Variants in CCDC191 observed in about 807,000 individuals in gnomAD.
The protein encoded by CCDC191 is coiled-coil domain containing 191, also known as coiled-coil domain-containing protein 191.
CCDC191 carries 99 observed loss-of-function variants against 114.0 expected under a neutral mutation model. The ratio of observed to expected loss-of-function variants is 0.87; its 90% CI spans 0.74 to 1.03. The LOEUF (loss-of-function observed/expected upper bound fraction) is 1.03. Ranked by LOEUF, CCDC191 falls within the 50% of genes least tolerant of loss-of-function variation. The probability of loss-of-function intolerance (pLI) is 0.00; values close to 1 mark genes in which losing one functional copy is unlikely to be tolerated. For synonymous variants in CCDC191, 351 were observed against 376.0 expected (o/e 0.93, Z 0.77); for missense variants, 973 against 1,087.0 (o/e 0.90, Z 1.47).
chr3:113,992,277 G>A (rs958477925), intron 13 of CCDC191, among the ~76,000 whole-genome samples: 1 of 152,144 alleles, frequency 6.6e-6, no homozygotes, highest in Admixed American at 6.5e-5. Flanking sequence ...AAAGTGAGAG[G>A]AGAGTGAGTA....
intron 13 of CCDC191, among the ~76,000 whole-genome samples, chr3:113,990,594 A>C (rs2075523672): frequency 6.6e-6 from 1 of 151,694 alleles, no homozygotes; most frequent in Non-Finnish European, 1.5e-5. Flanking sequence ...CTGTTCCCCC[A>C]AAACCTACAG....
intron 16 of CCDC191, 62 bp downstream of exon 16, chr3:113,978,124 G>T: frequency 1.3e-6 from 2 of 1,577,592 alleles, no homozygotes; most frequent in South Asian, 2.2e-5. Flanking sequence ...TGTAGGAGCA[G>T]AATATATTGC....
intron 13 of CCDC191, among the ~76,000 whole-genome samples, chr3:113,982,306 A>G (rs2075183920): frequency 6.6e-6 from 1 of 152,220 alleles, no homozygotes; most frequent in Non-Finnish European, 1.5e-5. Flanking sequence ...GTATTCTTAC[A>G]TAGCAATTTA....
In CCDC191 at chr3:114,018,943, C is replaced by G. The variant is rs911775737; in HGVS notation, c.973-75G>C. 7 of 1,337,676 alleles carry G rather than the reference C, an allele frequency of 5.2e-6. No homozygotes were observed. In the East Asian group the frequency reaches 1.6e-4, roughly 31 times the overall value. 82.9% of individuals were successfully genotyped at this position (1,337,676 alleles called of 1,614,324 possible). On this transcript the variant is annotated intron_variant, in intron 7 of 16. Coordinates refer to ENST00000295878, the MANE Select transcript of CCDC191 (RefSeq NM_020817.2). ...TAATATCTAACACTGACAGCCCTCT[C>G]CTCAGATTTTCCCCTCACACTTTTA...
Position 114,036,672 on chromosome 3 carries a change from T to C in CCDC191, c.530A>G (p.Lys177Arg), listed in dbSNP as rs746048386. ...CTGCTGCTTCTTGTCTTGGTTTTCCTTCCTTCCAAGATCTTCCATCATTGC... is the reference window on the plus strand; with the variant it reads ...CTGCTGCTTCTTGTCTTGGTTTTCCCTCCTTCCAAGATCTTCCATCATTGC... ...DSAMMEDLGR[K>R]ENQDKKQQKD... Residue 177 changes from lysine (K) to arginine (R), a missense_variant, in exon 5 of 17, where the codon AAG becomes AGG. Physicochemically the swap from Lys to Arg is conservative, Grantham distance 26. Coordinates refer to ENST00000295878, the MANE Select transcript of CCDC191 (RefSeq NM_020817.2). The C allele has an allele frequency of 1.9e-6, 3 of 1,605,582 alleles. No homozygotes were observed. Among genetic ancestry groups the C allele is most frequent in the East Asian group, 2.3e-5 (1 of 44,236 alleles).
intron 2 of CCDC191, among the ~76,000 whole-genome samples, chr3:114,051,349 T>G (rs1288335257): frequency 6.6e-6 from 1 of 152,194 alleles, no homozygotes; most frequent in East Asian, 1.9e-4. Context: ...ACTATCTTAC[T>G]GCATCCTCGA....
At chr3:113,969,728 C>G (rs1940610500) in intron 16 of CCDC191, among the ~76,000 whole-genome samples, 1 of 152,232 alleles carries the variant, frequency 6.6e-6, no homozygotes, top group South Asian at 2.1e-4. Context: ...TATGCCAGTA[C>G]CAAGCTGTTT....
chr3:113,998,495 G>C (rs1303715630), intron 13 of CCDC191, among the ~76,000 whole-genome samples: 1 of 152,060 alleles, frequency 6.6e-6, no homozygotes, highest in Non-Finnish European at 1.5e-5. Flanking sequence ...CTGACCTCCT[G>C]AGATCGCCCA....
intron 7 of CCDC191, among the ~76,000 whole-genome samples, chr3:114,021,445 T>C (rs1317436671): frequency 6.6e-6 from 1 of 151,844 alleles, no homozygotes; most frequent in Non-Finnish European, 1.5e-5. Flanking sequence ...ACCAATCCCA[T>C]TAAAATTTAA....
chr3:114,032,534 C>A (rs1292148182), intron 6 of CCDC191, among the ~76,000 whole-genome samples: 1 of 152,134 alleles, frequency 6.6e-6, no homozygotes. Context: ...AACATAGCAC[C>A]TAGTCAGGAA....
chr3:114,006,093 C>A, intron 9 of CCDC191, 131 bp from the exon 10 acceptor site: 1 of 832,114 alleles, frequency 1.2e-6, no homozygotes, highest in Non-Finnish European at 2.0e-6. Context: ...GTGGTCTGTG[C>A]TCCTGGCCTG....
chr3:114,040,352 T>G (rs1425665909), intron 4 of CCDC191, among the ~76,000 whole-genome samples: 1 of 152,190 alleles, frequency 6.6e-6, no homozygotes, highest in East Asian at 1.9e-4. Flanking sequence ...CACATGATTG[T>G]ATTATTGTTG....
rs147328745 is a variant in CCDC191 at position 114,010,992 on chromosome 3, C to T, written c.1193G>A (p.Arg398Gln). The change falls in exon 9 of 17, where the codon CGG (arginine) becomes CAG (glutamine). Residue 398 changes from arginine to glutamine, a missense_variant. Coordinates refer to ENST00000295878, the MANE Select transcript of CCDC191 (RefSeq NM_020817.2). ...AAAGCAGTGTCGGAGAACTTGTTTC[C>T]GGTTATACTCAGTGGCCAGTTGTTG... ...RKQQLATEYN[R>Q]KQVLRHCFTE... 14,069 of 1,613,366 alleles carry T rather than the reference C, an allele frequency of 8.7e-3. 88 individuals carry two copies. The highest frequency in any genetic ancestry group is 9.6e-3 in the Non-Finnish European group (11,338 of 1,179,500).
chr3:114,029,022 A>G (rs112819227), intron 7 of CCDC191, among the ~76,000 whole-genome samples: 10 of 151,946 alleles, frequency 6.6e-5, no homozygotes, highest in African/African-American at 2.4e-4. Flanking sequence ...GCGGCCTAGA[A>G]AAAAATGACA....
chr3:114,006,949 G>A (rs1206259041), intron 9 of CCDC191, among the ~76,000 whole-genome samples: 1 of 150,656 alleles, frequency 6.6e-6, no homozygotes, highest in Non-Finnish European at 1.5e-5. Flanking sequence ...GCAAATATCT[G>A]CATTACAAAC....
intron 16 of CCDC191, among the ~76,000 whole-genome samples, chr3:113,977,284 GA>G (rs759690941): frequency 2.6e-5 from 4 of 152,040 alleles, no homozygotes; most frequent in Admixed American, 6.6e-5. Flanking sequence ...GTAATGTTGA[GA>G]AAAGGGGCAT....
At chr3:114,023,394 C>A (rs1275098377) in intron 7 of CCDC191, among the ~76,000 whole-genome samples, 3 of 152,182 alleles carry the variant, frequency 2.0e-5, no homozygotes, top group Non-Finnish European at 2.9e-5. Flanking sequence ...GCCTGCATTG[C>A]CAAGTCAATC....
At chr3:114,055,158 A>T (rs2076752078) in intron 1 of CCDC191, among the ~76,000 whole-genome samples, 1 of 152,250 alleles carries the variant, frequency 6.6e-6, no homozygotes, top group Admixed American at 6.5e-5. Context: ...ACTGCTTAAT[A>T]ATTTTGTCAC....
intron 1 of CCDC191, among the ~76,000 whole-genome samples, chr3:114,055,694 T>TA (rs1482282490): frequency 6.6e-6 from 1 of 152,210 alleles, no homozygotes; most frequent in East Asian, 1.9e-4. Context: ...GTTAAAAAGG[T>TA]AGTCTGTGGA....
Sources: gnomAD v4.1 joint callset for allele counts (sites outside exome capture counted in the v4.1 genomes callset) on GRCh38, gnomAD v4.1.1 for gene constraint, MANE v1.5 for transcripts, NCBI Gene and HGNC (gene_info 2026-07-23, HGNC 2026-07-21) for gene names.